FAT1: variants seen among roughly 807,000 people sequenced by gnomAD.
FAT1 encodes FAT atypical cadherin 1.
In FAT1, 171 loss-of-function variants were observed where a neutral mutation model predicts 329.8. That is an observed-to-expected ratio of 0.52 (90% CI 0.46 to 0.59). The LOEUF (loss-of-function observed/expected upper bound fraction) is 0.59. FAT1 is among the 20% of genes least tolerant of loss of function. The pLI, the probability that FAT1 is intolerant of heterozygous loss-of-function variation, is 0.00. For missense variants in FAT1, 5,672 were observed against 5,774.4 expected (o/e 0.98, Z 0.57); for synonymous variants, 2,233 against 2,228.6 (o/e 1.00, Z -0.06).
intron 3 of FAT1, among the ~76,000 whole-genome samples, chr4:186,647,431 T>C (rs1460593646): frequency 2.6e-5 from 4 of 152,216 alleles, no homozygotes; most frequent in Admixed American, 6.5e-5. Flanking sequence ...CCCAAGTCTG[T>C]CTGATTCCAG....
Position 186,609,334 on chromosome 4 carries a change from C to T in FAT1, c.10069-14G>A. On this transcript the variant is annotated splice_polypyrimidine_tract_variant and intron_variant, in intron 15 of 26. Coordinates refer to ENST00000441802, the MANE Select transcript of FAT1 (RefSeq NM_005245.4). ...ATCGGCCATAACCTAGAACACACCA[C>T]ACTCCTGTTTAGGAGACAGCTAAGA... 1 of 1,612,484 alleles carries T rather than the reference C, an allele frequency of 6.2e-7. No homozygotes were observed. The highest frequency in any genetic ancestry group is 8.5e-7 in the Non-Finnish European group (1 of 1,179,356).
chr4:186,618,598 C>A lies in FAT1; in HGVS notation c.7988G>T (p.Gly2663Val), dbSNP rs1313728391. ...GAAAGTGAAGAATTCATTTTCCAAGCCAATGAGGCTCTCCTTTGTAGTGAT... is the reference window on the plus strand; with the variant it reads ...GAAAGTGAAGAATTCATTTTCCAAGACAATGAGGCTCTCCTTTGTAGTGAT... ...GVITTKESLI[G>V]LENEFFTFFV... The change falls in exon 10 of 27, where the codon GGC becomes GTC. Residue 2663 changes from glycine to valine, a missense_variant. Physicochemically the swap from Gly to Val is moderately radical, Grantham distance 109 (BLOSUM62 -3). Transcript: ENST00000441802. 10 of 1,613,908 alleles carry A rather than the reference C, an allele frequency of 6.2e-6. No homozygotes were observed. The highest frequency in any genetic ancestry group is 8.5e-6 in the Non-Finnish European group (10 of 1,179,894).
At chr4:186,613,703 G>C (rs1462401695) in intron 12 of FAT1, among the ~76,000 whole-genome samples, 1 of 152,070 alleles carries the variant, frequency 6.6e-6, no homozygotes. Context: ...AAAATAAAAA[G>C]GCTTAACAGG....
At chr4:186,665,078 T>C (rs146839365) in intron 2 of FAT1, among the ~76,000 whole-genome samples, 199 of 152,302 alleles carry the variant, frequency 1.3e-3, no homozygotes, top group African/African-American at 4.6e-3. Flanking sequence ...ATAGAAAACT[T>C]AGCTAAATAA....
chr4:186,687,321 G>C (rs1743518575), intron 2 of FAT1, among the ~76,000 whole-genome samples: 1 of 152,092 alleles, frequency 6.6e-6, no homozygotes, highest in South Asian at 2.1e-4. Context: ...CAAATATTCA[G>C]TGGCAGCAAG....
chr4:186,682,372 C>A (rs1280853931), intron 2 of FAT1, among the ~76,000 whole-genome samples: 3 of 151,788 alleles, frequency 2.0e-5, no homozygotes, highest in Non-Finnish European at 4.4e-5. Context: ...ACTAAAAATA[C>A]AAAAATTAGC....
rs2126385852 is a variant in FAT1 at position 186,596,529 on chromosome 4, G to C, written c.13000+11C>G. On this transcript the variant is annotated intron_variant, in intron 25 of 26. Transcript: ENST00000441802. This position sits in a 1 kb window ranked among gnomAD's most constrained non-coding sequence, Gnocchi z 4.7. ...AGTGACACTTTAGTGAGATGAAAAA[G>C]TGGCTCTTACTGTCATAGTCAAAGT... 2 of 1,604,264 alleles carry C rather than the reference G, an allele frequency of 1.2e-6. No individual in the cohort carries two copies. The highest frequency in any genetic ancestry group is 1.7e-6 in the Non-Finnish European group (2 of 1,176,730).
At chr4:186,710,238 T>G (rs1288397018) in intron 1 of FAT1, among the ~76,000 whole-genome samples, 1 of 152,140 alleles carries the variant, frequency 6.6e-6, no homozygotes, top group South Asian at 2.1e-4. Flanking sequence ...TTACATACAA[T>G]GAATTAAATG....
At chr4:186,641,582 T>TG (rs1250515799) in intron 3 of FAT1, among the ~76,000 whole-genome samples, 30 of 152,294 alleles carry the variant, frequency 2.0e-4, no homozygotes, top group Non-Finnish European at 4.0e-4. Context: ...AGTATTCTTC[T>TG]GCAGAGCACT....
At chr4:186,663,102 C>A (rs1742258930) in intron 3 of FAT1, among the ~76,000 whole-genome samples, 197 bp downstream of exon 3, 1 of 152,186 alleles carries the variant, frequency 6.6e-6, no homozygotes, top group Admixed American at 6.5e-5. Flanking sequence ...TCCCAAAGTG[C>A]TGGGATTACA....
At position 186,588,706 on chromosome 4, in the gene FAT1, G is replaced by C. The variant is rs1172869908; in HGVS notation, c.13653C>G (p.Ala4551=). 6.2e-7 allele frequency: 1 copy of C among 1,613,850 alleles called. No individual in the cohort carries two copies. Among genetic ancestry groups the C allele is most frequent in the Admixed American group, 1.7e-5 (1 of 59,992 alleles). Residue 4551 remains alanine (A), a synonymous_variant, in exon 27 of 27, where the codon GCC becomes GCG. Transcript: ENST00000441802. ...ASTASCSDVS[A]CCEVESEVMM... Reference sequence around the variant, plus strand: ...TGACCTCGGACTCCACTTCGCAGCAGGCTGACACGTCAGAGCAGGAGGCGG... The same window carrying C: ...TGACCTCGGACTCCACTTCGCAGCACGCTGACACGTCAGAGCAGGAGGCGG...
Position 186,639,706 on chromosome 4 carries a change from TAAA to T in FAT1, c.3642+13_3642+15del. Reference sequence around the variant, plus strand: ...ACTACGAATCTTTAAGTATTAAAGATAAAAAAAAAACTTACCTCTAATATGTGT... The same window carrying T: ...ACTACGAATCTTTAAGTATTAAAGATAAAAAAACTTACCTCTAATATGTGT... On this transcript the variant is annotated intron_variant, in intron 4 of 26. Coordinates refer to ENST00000441802, the MANE Select transcript of FAT1 (RefSeq NM_005245.4). 7.1e-7 allele frequency: 1 copy of T among 1,412,412 alleles called. No individual in the cohort carries two copies. The highest frequency in any genetic ancestry group is 9.7e-7 in the Non-Finnish European group (1 of 1,032,472). 87.5% of individuals were successfully genotyped at this position (1,412,412 alleles called of 1,614,324 possible). A position where few individuals can be genotyped will look rare whatever the true frequency, so the allele number is the denominator to read the frequency against.
At chr4:186,681,880 C>A (rs1322873735) in intron 2 of FAT1, among the ~76,000 whole-genome samples, 1 of 152,152 alleles carries the variant, frequency 6.6e-6, no homozygotes, top group East Asian at 1.9e-4. Flanking sequence ...AACATTAGTC[C>A]ACCTTTGCCT....
At chr4:186,666,875 A>T (rs1213723575) in intron 2 of FAT1, among the ~76,000 whole-genome samples, 1 of 152,218 alleles carries the variant, frequency 6.6e-6, no homozygotes, top group Non-Finnish European at 1.5e-5. Flanking sequence ...GGCCACAGTG[A>T]ATGGCAGAGC....
At chr4:186,671,808 G>T (rs1742744761) in intron 2 of FAT1, among the ~76,000 whole-genome samples, 2 of 150,888 alleles carry the variant, frequency 1.3e-5, no homozygotes, top group South Asian at 4.2e-4. Context: ...TAGATCGTGT[G>T]TGTGTGTGGT....
chr4:186,641,977 A>G (rs974363634), intron 3 of FAT1, among the ~76,000 whole-genome samples: 2 of 151,772 alleles, frequency 1.3e-5, no homozygotes, highest in African/African-American at 4.8e-5. Context: ...ACAGCACTCC[A>G]GCCTGGGCGA....
At chr4:186,686,904 T>G (rs1223068338) in intron 2 of FAT1, among the ~76,000 whole-genome samples, 2 of 152,166 alleles carry the variant, frequency 1.3e-5, no homozygotes, top group Non-Finnish European at 2.9e-5. Flanking sequence ...AAATTACATT[T>G]TTAAATTTAA....
intron 15 of FAT1, 52 bp downstream of exon 15, chr4:186,609,749 C>A (rs1269949253): frequency 7.7e-7 from 1 of 1,307,072 alleles, no homozygotes; most frequent in Non-Finnish European, 1.1e-6. Context: ...AAAACTTTTG[C>A]AAAGATCCAG....
intron 2 of FAT1, among the ~76,000 whole-genome samples, chr4:186,695,757 T>TAA (rs71595114): frequency 1.1e-5 from 1 of 87,712 alleles, no homozygotes; most frequent in Non-Finnish European, 2.3e-5. Flanking sequence ...GTATTATATA[T>TAA]AAAACACACA....
Sources: allele counts gnomAD v4.1 joint callset (sites outside exome capture counted in the v4.1 genomes callset), GRCh38; gene constraint gnomAD v4.1.1; non-coding constraint Gnocchi (gnomAD v3.1); transcripts MANE v1.5; gene names NCBI Gene and HGNC (gene_info 2026-07-23, HGNC 2026-07-21).